Variants in STK32B observed in about 807,000 individuals in gnomAD.
STK32B encodes serine/threonine kinase 32B, also known as serine/threonine-protein kinase 32B.
In STK32B, 43 loss-of-function variants were observed where a neutral mutation model predicts 52.6. The ratio of observed to expected loss-of-function variants is 0.82; its 90% CI spans 0.64 to 1.05. STK32B has a LOEUF of 1.05. Among genes scored for constraint, STK32B ranks in the 50% least tolerant of loss-of-function variants. The pLI is 0.00. For synonymous variants in STK32B, 238 were observed against 204.3 expected, an observed-to-expected ratio of 1.17 and a Z score of -1.41; for missense variants, 621 against 534.6, an observed-to-expected ratio of 1.16 and a Z score of -1.59.
intron 3 of STK32B, among the ~76,000 whole-genome samples, chr4:5,176,916 C>A (rs1719947992): frequency 6.6e-6 from 1 of 152,182 alleles, no homozygotes; most frequent in Admixed American, 6.5e-5. Context: ...GGTGAGCCTA[C>A]TGCTTGACTT....
At chr4:5,317,245 T>TACATATAACATATATATA (rs1731082231) in intron 3 of STK32B, among the ~76,000 whole-genome samples, 2 of 35,300 alleles carry the variant, frequency 5.7e-5, no homozygotes, top group Admixed American at 5.2e-4. Flanking sequence ...ATATATATAT[T>TACATATAACATATATATA]ATATATAACA....
intron 6 of STK32B, among the ~76,000 whole-genome samples, chr4:5,430,571 C>T (rs955368730): frequency 6.6e-6 from 1 of 152,134 alleles, no homozygotes; most frequent in Non-Finnish European, 1.5e-5. Flanking sequence ...ATTTCTTTGT[C>T]TCTTCACAAT....
chr4:5,125,828 T>C (rs1715329433), intron 1 of STK32B, among the ~76,000 whole-genome samples: 1 of 152,214 alleles, frequency 6.6e-6, no homozygotes, highest in African/African-American at 2.4e-5. Context: ...TTTGTAACTC[T>C]GCCTCCTGTG....
chr4:5,474,487 A>G (rs1718085706), intron 11 of STK32B, among the ~76,000 whole-genome samples: 1 of 152,204 alleles, frequency 6.6e-6, no homozygotes, highest in African/African-American at 2.4e-5. Context: ...TCAGCAACCC[A>G]ACTAGTAAGA....
intron 3 of STK32B, among the ~76,000 whole-genome samples, chr4:5,202,690 C>A (rs1391203491): frequency 6.6e-6 from 1 of 152,264 alleles, no homozygotes; most frequent in Admixed American, 6.5e-5. Context: ...TGCACACCCA[C>A]AGGCCCAATG....
At chr4:5,219,227 T>C (rs772367882) in intron 3 of STK32B, among the ~76,000 whole-genome samples, 2 of 152,090 alleles carry the variant, frequency 1.3e-5, no homozygotes, top group African/African-American at 2.4e-5. Flanking sequence ...GGGGCCACAG[T>C]CTTGGGGCAG....
chr4:5,492,530 A>T (rs1302964963), intron 11 of STK32B, among the ~76,000 whole-genome samples: 1 of 151,768 alleles, frequency 6.6e-6, no homozygotes, highest in Non-Finnish European at 1.5e-5. Context: ...AAGAGGGACA[A>T]TTTGACTTCC....
At chr4:5,289,197 C>T (rs1416403086) in intron 3 of STK32B, among the ~76,000 whole-genome samples, 1 of 152,100 alleles carries the variant, frequency 6.6e-6, no homozygotes, top group African/African-American at 2.4e-5. Context: ...ATACCATAGG[C>T]AGTTGTAACA....
At chr4:5,131,664 G>A (rs1715784653) in intron 1 of STK32B, among the ~76,000 whole-genome samples, 1 of 152,106 alleles carries the variant, frequency 6.6e-6, no homozygotes, top group African/African-American at 2.4e-5. Flanking sequence ...TTTGCCAAGG[G>A]CCTTTGCACA....
intron 2 of STK32B, among the ~76,000 whole-genome samples, chr4:5,142,138 T>C (rs539865498): frequency 6.6e-6 from 1 of 152,324 alleles, no homozygotes; most frequent in Non-Finnish European, 1.5e-5. Flanking sequence ...TCCAATACAC[T>C]AACTATCCTT....
chr4:5,461,454 C>T (rs1467845692), intron 9 of STK32B, among the ~76,000 whole-genome samples: 2 of 152,188 alleles, frequency 1.3e-5, no homozygotes, highest in Admixed American at 6.5e-5. Flanking sequence ...TCAGTTTCTC[C>T]AAGAGTGCCA....
intron 2 of STK32B, among the ~76,000 whole-genome samples, chr4:5,166,334 C>G (rs751050940): frequency 7.9e-5 from 12 of 151,666 alleles, no homozygotes; most frequent in Non-Finnish European, 1.5e-4. Context: ...ACTTTCCTCT[C>G]TCTGTGAAGC....
At chr4:5,186,952 C>G (rs1720790739) in intron 3 of STK32B, among the ~76,000 whole-genome samples, 1 of 152,184 alleles carries the variant, frequency 6.6e-6, no homozygotes, top group Admixed American at 6.5e-5. Flanking sequence ...ACAGGATGCA[C>G]CTGCCCGCAC....
intron 3 of STK32B, among the ~76,000 whole-genome samples, chr4:5,242,312 T>A (rs1390655138): frequency 6.6e-6 from 1 of 152,246 alleles, no homozygotes; most frequent in Non-Finnish European, 1.5e-5. Flanking sequence ...TTGATTTGCA[T>A]TTTTCTGATG....
intron 1 of STK32B, among the ~76,000 whole-genome samples, chr4:5,069,920 A>G (rs1711647541): frequency 6.6e-6 from 1 of 152,168 alleles, no homozygotes; most frequent in African/African-American, 2.4e-5. Flanking sequence ...ATGCACTCTG[A>G]CATGGTCCTT....
chr4:5,387,816 C>G (rs900789246), intron 4 of STK32B, among the ~76,000 whole-genome samples: 1 of 152,184 alleles, frequency 6.6e-6, no homozygotes, highest in African/African-American at 2.4e-5. Context: ...ACAACCTTGG[C>G]TCACCGCAAC....
chr4:5,320,936 C>T lies in STK32B; in HGVS notation c.261-10284C>T, dbSNP rs114771181. ...AAACAGAATGACTGGTTTTTAGGAA[C>T]AGGTCGATTATGTTCAATAGATGAT... On this transcript the variant is annotated intron_variant, in intron 3 of 11. Transcript: ENST00000282908. Among the ~76,000 whole-genome samples, 303 of 152,194 alleles carry T rather than the reference C, an allele frequency of 2.0e-3. 2 individuals carry two copies. Among genetic ancestry groups the T allele is most frequent in the African/African-American group, 7.0e-3 (290 of 41,530 alleles).
intron 3 of STK32B, among the ~76,000 whole-genome samples, chr4:5,261,820 C>T (rs1315162152): frequency 6.6e-6 from 1 of 151,958 alleles, no homozygotes; most frequent in South Asian, 2.1e-4. Context: ...AAATCAAGGC[C>T]CCGGTACCAG....
intron 3 of STK32B, among the ~76,000 whole-genome samples, chr4:5,303,210 G>C (rs560653274): frequency 1.9e-4 from 29 of 152,182 alleles, no homozygotes; most frequent in African/African-American, 6.7e-4. Context: ...AGGGGGCATT[G>C]CTGGATCAAA....
Sources: allele counts gnomAD v4.1 joint callset (sites outside exome capture counted in the v4.1 genomes callset), GRCh38; gene constraint gnomAD v4.1.1; transcripts MANE v1.5; gene names NCBI Gene and HGNC (gene_info 2026-07-23, HGNC 2026-07-21).